Variants in ORC5 observed in about 807,000 individuals in gnomAD.
ORC5 encodes the protein protein phosphatase 1, regulatory subunit 117.
ORC5 carries 39 observed loss-of-function variants against 58.8 expected under a neutral mutation model. That is an observed-to-expected ratio of 0.66 (90% CI 0.51 to 0.87). The LOEUF (loss-of-function observed/expected upper bound fraction) is 0.87. Among genes scored for constraint, ORC5 ranks in the 40% least tolerant of loss-of-function variants. The pLI is 0.00. For synonymous variants in ORC5, 218 were observed against 177.6 expected, an observed-to-expected ratio of 1.23 and a Z score of -1.81; for missense variants, 493 against 506.3, an observed-to-expected ratio of 0.97 and a Z score of 0.25.
At chr7:104,169,937 C>T (rs994813803) in intron 8 of ORC5, among the ~76,000 whole-genome samples, 2 of 152,160 alleles carry the variant, frequency 1.3e-5, no homozygotes, top group Non-Finnish European at 2.9e-5. Flanking sequence ...TGTTCATCAT[C>T]AATCCTTTTG....
intron 12 of ORC5, among the ~76,000 whole-genome samples, chr7:104,149,636 A>AT (rs1163566790): frequency 2.0e-5 from 3 of 152,204 alleles, no homozygotes; most frequent in Admixed American, 6.5e-5. Flanking sequence ...CAAAATAAAA[A>AT]TTGTTATTTT....
intron 12 of ORC5, among the ~76,000 whole-genome samples, chr7:104,140,753 C>T (rs1306189640): frequency 6.6e-6 from 1 of 152,156 alleles, no homozygotes; most frequent in East Asian, 1.9e-4. Context: ...GCATGCCCAC[C>T]ATGTGGGATG....
intron 10 of ORC5, chr7:104,165,555 T>C (rs905986614): frequency 4.7e-5 from 14 of 298,590 alleles, no homozygotes; most frequent in Middle Eastern, 1.1e-3. Flanking sequence ...GCTTATTATA[T>C]TGATTTAGTT....
rs762896326 is a variant in ORC5 at position 104,136,761 on chromosome 7, C to A, written c.1262+20G>T. 4 of 1,447,924 alleles carry A rather than the reference C, an allele frequency of 2.8e-6. No homozygotes were observed. The highest frequency in any genetic ancestry group is 1.4e-5 in the African/African-American group (1 of 71,784). 89.7% of individuals were successfully genotyped at this position (1,447,924 alleles called of 1,614,324 possible). The stretch of plus-strand genomic sequence containing the variant: ...AATTTTTATATTTAGTATATCATTA[C>A]ATAATTCAAGACATTTTACCTTGCA... On this transcript the variant is annotated intron_variant, in intron 13 of 13. Coordinates refer to ENST00000297431, the MANE Select transcript of ORC5 (RefSeq NM_002553.4). This position sits in a 1 kb window ranked among gnomAD's most constrained non-coding sequence, Gnocchi z 4.2.
intron 8 of ORC5, among the ~76,000 whole-genome samples, chr7:104,182,698 C>G (rs1799459629): frequency 6.6e-6 from 1 of 152,204 alleles, no homozygotes; most frequent in South Asian, 2.1e-4. Context: ...TCACCTAACT[C>G]TCTGTGGTCA....
intron 8 of ORC5, among the ~76,000 whole-genome samples, 155 bp from the exon 9 acceptor site, chr7:104,168,680 A>G (rs888836033): frequency 7.6e-5 from 11 of 144,314 alleles, no homozygotes; most frequent in African/African-American, 2.4e-4. Flanking sequence ...GTACCTGTAC[A>G]AAATAATTTA....
chr7:104,128,236 C>T (rs1798459057), intron 13 of ORC5, among the ~76,000 whole-genome samples: 1 of 152,172 alleles, frequency 6.6e-6, no homozygotes, highest in African/African-American at 2.4e-5. Flanking sequence ...AATTCTCCTG[C>T]CTCAGCCTCT....
intron 4 of ORC5, among the ~76,000 whole-genome samples, chr7:104,196,116 TCAAA>T (rs1312327939): frequency 1.3e-5 from 2 of 152,218 alleles, no homozygotes; most frequent in East Asian, 1.9e-4. Context: ...TTAATTTTCT[TCAAA>T]CAGTTTCTGT....
intron 12 of ORC5, among the ~76,000 whole-genome samples, chr7:104,148,971 T>C (rs1159532881): frequency 5.3e-5 from 8 of 150,822 alleles, no homozygotes; most frequent in Admixed American, 5.3e-4. Flanking sequence ...GAGGCAGAGG[T>C]TGCAGTGAGC....
At chr7:104,169,084 A>C (rs77582931) in intron 8 of ORC5, among the ~76,000 whole-genome samples, 2,199 of 152,314 alleles carry the variant, frequency 0.014, 57 homozygotes, top group South Asian at 0.12. Flanking sequence ...TCTTTAAAAA[A>C]AACAACAACA....
chr7:104,151,599 G>C (rs776307634), intron 12 of ORC5, among the ~76,000 whole-genome samples: 5 of 152,168 alleles, frequency 3.3e-5, no homozygotes, highest in South Asian at 2.1e-4. Flanking sequence ...GATTAGTTTT[G>C]AAATCTAGGT....
intron 8 of ORC5, among the ~76,000 whole-genome samples, chr7:104,179,166 C>G (rs1391995308): frequency 1.5e-5 from 2 of 136,642 alleles, no homozygotes; most frequent in African/African-American, 5.5e-5. Flanking sequence ...CCAGGCTGGT[C>G]TTGAACTCCC....
chr7:104,188,097 G>A, intron 6 of ORC5, 154 bp downstream of exon 6: 1 of 929,972 alleles, frequency 1.1e-6, no homozygotes, highest in South Asian at 3.1e-5. Flanking sequence ...GTCTCTAGAG[G>A]CCATATGCAA....
At chr7:104,152,104 T>C (rs991688663) in intron 12 of ORC5, among the ~76,000 whole-genome samples, 5 of 152,184 alleles carry the variant, frequency 3.3e-5, no homozygotes, top group Admixed American at 6.5e-5. Context: ...AATTTCTTAC[T>C]GGAAACCCTC....
At chr7:104,162,763 G>A (rs1562813097) in intron 11 of ORC5, among the ~76,000 whole-genome samples, 1 of 152,120 alleles carries the variant, frequency 6.6e-6, no homozygotes, top group Non-Finnish European at 1.5e-5. Context: ...CAAAACATTA[G>A]ATCACATTAC....
intron 11 of ORC5, among the ~76,000 whole-genome samples, chr7:104,164,381 G>T (rs185645682): frequency 3.3e-5 from 5 of 152,148 alleles, no homozygotes; most frequent in African/African-American, 1.2e-4. Context: ...CCATGATCAC[G>T]CCATTGCACT....
intron 13 of ORC5, among the ~76,000 whole-genome samples, chr7:104,134,185 G>A (rs897306475): frequency 6.6e-6 from 1 of 152,024 alleles, no homozygotes; most frequent in Non-Finnish European, 1.5e-5. Flanking sequence ...CCTTTGGGAG[G>A]CCGATGCAGG....
At chr7:104,157,068 TC>T (rs1264613517) in intron 12 of ORC5, among the ~76,000 whole-genome samples, 2 of 151,972 alleles carry the variant, frequency 1.3e-5, no homozygotes, top group African/African-American at 4.8e-5. Flanking sequence ...AAACTGCCAT[TC>T]CCATGGTTAA....
chr7:104,143,449 A>C (rs1171497454), intron 12 of ORC5, among the ~76,000 whole-genome samples: 1 of 152,206 alleles, frequency 6.6e-6, no homozygotes, highest in Non-Finnish European at 1.5e-5. Flanking sequence ...AGTTGGAACA[A>C]ACAAGCCCTT....
Sources: gnomAD v4.1 joint callset for allele counts (sites outside exome capture counted in the v4.1 genomes callset) on GRCh38, gnomAD v4.1.1 for gene constraint, Gnocchi (gnomAD v3.1) non-coding constraint, MANE v1.5 for transcripts, NCBI Gene and HGNC (gene_info 2026-07-23, HGNC 2026-07-21) for gene names.